The following NCKAP5 variants were observed in gnomAD, a reference collection of about 807,000 sequenced individuals.
NCKAP5 encodes nck-associated protein 5.
In NCKAP5, 92 loss-of-function variants were observed where a neutral mutation model predicts 167.0. The observed-to-expected ratio is 0.55, with a 90% CI of 0.47 to 0.66. The LOEUF (loss-of-function observed/expected upper bound fraction) is 0.66. Ranked by LOEUF, NCKAP5 falls within the 30% of genes least tolerant of loss-of-function variation. The pLI is 0.00. For missense variants in NCKAP5, 2,378 were observed against 2,315.0 expected, an observed-to-expected ratio of 1.03 and a Z score of -0.56; for synonymous variants, 891 against 877.4, an observed-to-expected ratio of 1.02 and a Z score of -0.27.
intron 3 of NCKAP5, among the ~76,000 whole-genome samples, chr2:133,349,503 C>T (rs1026174041): frequency 2.1e-4 from 32 of 152,180 alleles, no homozygotes; most frequent in African/African-American, 7.2e-4. Flanking sequence ...CTTGACAAAG[C>T]GGAGAAATGA....
intron 3 of NCKAP5, among the ~76,000 whole-genome samples, chr2:133,504,490 G>C (rs1355382570): frequency 6.6e-6 from 1 of 151,780 alleles, no homozygotes; most frequent in Non-Finnish European, 1.5e-5. Context: ...GCCCAAATTA[G>C]AAGCAGGCTG....
intron 3 of NCKAP5, among the ~76,000 whole-genome samples, chr2:133,411,927 T>C (rs1688797621): frequency 6.6e-6 from 1 of 152,210 alleles, no homozygotes; most frequent in Non-Finnish European, 1.5e-5. Context: ...GAATGATTAC[T>C]GTCATCTGAG....
At chr2:133,450,799 C>T (rs1331925824) in intron 3 of NCKAP5, among the ~76,000 whole-genome samples, 1 of 152,182 alleles carries the variant, frequency 6.6e-6, no homozygotes, top group Non-Finnish European at 1.5e-5. Context: ...AATAATTCAA[C>T]CAAGATCTAA....
At chr2:132,900,189 A>T (rs1440345151) in intron 8 of NCKAP5, among the ~76,000 whole-genome samples, 1 of 152,220 alleles carries the variant, frequency 6.6e-6, no homozygotes, top group African/African-American at 2.4e-5. Flanking sequence ...AACAGCTGTA[A>T]TAATAATGAA....
intron 3 of NCKAP5, among the ~76,000 whole-genome samples, chr2:133,384,957 G>A (rs1686824939): frequency 6.6e-6 from 1 of 152,176 alleles, no homozygotes; most frequent in African/African-American, 2.4e-5. Context: ...CTAAGTCGAT[G>A]GGGTTTTCCA....
chr2:133,227,751 T>C (rs1431817417), intron 4 of NCKAP5, among the ~76,000 whole-genome samples: 1 of 152,228 alleles, frequency 6.6e-6, no homozygotes, highest in Middle Eastern at 3.2e-3. Context: ...TTTTCATCAT[T>C]GAGCTTTGTA....
chr2:133,461,911 G>GCTGT (rs10696301), intron 3 of NCKAP5, among the ~76,000 whole-genome samples: 151,324 of 152,288 alleles, frequency 0.99, 75,187 homozygotes, highest in East Asian at 1. Flanking sequence ...GTCTGACTCT[G>GCTGT]CTATTTCTTC....
chr2:133,054,437 C>G (rs2079720728), intron 6 of NCKAP5, among the ~76,000 whole-genome samples: 1 of 152,192 alleles, frequency 6.6e-6, no homozygotes, highest in Admixed American at 6.5e-5. Flanking sequence ...TAGAGACAAA[C>G]ATTCCTGCTG....
chr2:133,513,745 C>T (rs1575086745), intron 3 of NCKAP5, among the ~76,000 whole-genome samples: 1 of 152,080 alleles, frequency 6.6e-6, no homozygotes, highest in South Asian at 2.1e-4. Flanking sequence ...GTGTGGCAAA[C>T]GTTTTTTCTT....
intron 11 of NCKAP5, among the ~76,000 whole-genome samples, chr2:132,824,574 A>T (rs539330414): frequency 1.3e-5 from 2 of 152,308 alleles, no homozygotes; most frequent in Admixed American, 6.5e-5. Flanking sequence ...AAGAATATTG[A>T]TTGTGTATGG....
intron 4 of NCKAP5, among the ~76,000 whole-genome samples, chr2:133,274,687 A>G (rs752733280): frequency 1.1e-4 from 16 of 151,994 alleles, no homozygotes; most frequent in Non-Finnish European, 2.2e-4. Flanking sequence ...ACTCACATTT[A>G]TGGACTCAGG....
In NCKAP5 at chr2:133,366,247, G is replaced by A. The variant is rs186900447; in HGVS notation, c.70-63137C>T. On this transcript the variant is annotated intron_variant, in intron 3 of 19. Coordinates refer to ENST00000409261, the MANE Select transcript of NCKAP5 (RefSeq NM_207363.3). The stretch of plus-strand genomic sequence containing the variant: ...GTAAGTAAAGAAGATAAAGTCAGAT[G>A]TTGATTAGATCATATTTTTAAATAT... Among the ~76,000 whole-genome samples, 725 of 152,308 alleles carry A rather than the reference G, an allele frequency of 4.8e-3. 2 individuals carry two copies. Among genetic ancestry groups the A allele is most frequent in the Middle Eastern group, 0.031 (9 of 294 alleles).
chr2:133,513,909 C>G (rs571127806), intron 3 of NCKAP5, among the ~76,000 whole-genome samples: 21 of 152,364 alleles, frequency 1.4e-4, no homozygotes, highest in Non-Finnish European at 2.4e-4. Flanking sequence ...CATGCTCCAG[C>G]ATGCTCATCA....
intron 3 of NCKAP5, among the ~76,000 whole-genome samples, chr2:133,340,049 T>C (rs1227319062): frequency 6.6e-6 from 1 of 152,198 alleles, no homozygotes; most frequent in African/African-American, 2.4e-5. Context: ...CTCTCTTCAC[T>C]GGAGTTCTCA....
intron 6 of NCKAP5, among the ~76,000 whole-genome samples, chr2:133,040,329 C>T (rs1406650897): frequency 2.0e-5 from 3 of 152,052 alleles, no homozygotes; most frequent in Non-Finnish European, 2.9e-5. Flanking sequence ...GCGAAAACCA[C>T]GAATACTTTT....
chr2:133,498,144 C>G (rs778954937), intron 3 of NCKAP5, among the ~76,000 whole-genome samples: 1 of 152,080 alleles, frequency 6.6e-6, no homozygotes, highest in Admixed American at 6.6e-5. Context: ...ATATGCCCGA[C>G]ATTTGTGGCT....
intron 11 of NCKAP5, among the ~76,000 whole-genome samples, chr2:132,806,394 G>GTGTA (rs1252667359): frequency 1.3e-5 from 2 of 152,102 alleles, no homozygotes; most frequent in African/African-American, 4.8e-5. Flanking sequence ...CCCAGCGGCA[G>GTGTA]TGTAGAAGTG....
chr2:132,729,132 T>C (rs780695580), intron 17 of NCKAP5, among the ~76,000 whole-genome samples, 180 bp from the exon 18 acceptor site: 1 of 152,240 alleles, frequency 6.6e-6, no homozygotes, highest in African/African-American at 2.4e-5. Context: ...TGCTTAATTA[T>C]GTATACACAT....
chr2:133,477,090 C>T (rs772819130), intron 3 of NCKAP5, among the ~76,000 whole-genome samples: 2 of 152,196 alleles, frequency 1.3e-5, no homozygotes, highest in Non-Finnish European at 2.9e-5. Flanking sequence ...TCATGATACT[C>T]CCTTATGGAG....
Sources: gnomAD v4.1 joint callset for allele counts (sites outside exome capture counted in the v4.1 genomes callset) on GRCh38, gnomAD v4.1.1 for gene constraint, MANE v1.5 for transcripts, NCBI Gene and HGNC (gene_info 2026-07-23, HGNC 2026-07-21) for gene names.